TULP2: variants seen among roughly 807,000 people sequenced by gnomAD.
TULP2 encodes the protein tubby-related protein 2.
Under a neutral mutation model 60.3 loss-of-function variants are expected in TULP2, and 64 were observed. The observed-to-expected ratio is 1.06, with a 90% CI of 0.87 to 1.31. The LOEUF is 1.31. Ranked by LOEUF, TULP2 falls within the 50% of genes most tolerant of loss-of-function variation. The pLI is 0.00. For synonymous variants in TULP2, 267 were observed against 265.4 expected (o/e 1.01, Z -0.06); for missense variants, 652 against 667.0 (o/e 0.98, Z 0.25).
At chr19:48,887,603 G>A (rs2037193253) in intron 8 of TULP2, among the ~76,000 whole-genome samples, 1 of 151,904 alleles carries the variant, frequency 6.6e-6, no homozygotes, top group Non-Finnish European at 1.5e-5. Context: ...TGTCGCCTAG[G>A]CTGGAGTGCA....
intron 8 of TULP2, among the ~76,000 whole-genome samples, chr19:48,887,562 G>GT (rs1236591699): frequency 6.7e-6 from 1 of 150,130 alleles, no homozygotes; most frequent in East Asian, 2.0e-4. Context: ...TTGTTGGTTG[G>GT]TTTTTTGTTT....
chr19:48,882,946 A>G (rs1048865839), intron 11 of TULP2, among the ~76,000 whole-genome samples: 6 of 152,202 alleles, frequency 3.9e-5, no homozygotes, highest in African/African-American at 7.2e-5. Context: ...ACTGCCGGGC[A>G]CGGTGGCTCA....
rs531820415 is a variant in TULP2, at chr19:48,882,248, AACTCCATCTTGAACAGGGGCG to A, written c.1276-66_1276-46del. ...CTGTGGTTTTCTCAGAGGCTTTCGA[AACTCCATCTTGAACAGGGGCG>A]ACTCCATCTTGAACAGGGGCGACTC... On this transcript the variant is annotated intron_variant, in intron 11 of 12. Coordinates refer to ENST00000221399, the MANE Select transcript of TULP2 (RefSeq NM_003323.3). 495 of 1,609,774 alleles carry A rather than the reference AACTCCATCTTGAACAGGGGCG, an allele frequency of 3.1e-4. 2 individuals carry two copies. The highest frequency in any genetic ancestry group is 2.5e-3 in the African/African-American group (190 of 74,778).
At chr19:48,889,994 A>T (rs1239381239) in intron 6 of TULP2, among the ~76,000 whole-genome samples, 1 of 152,198 alleles carries the variant, frequency 6.6e-6, no homozygotes, top group African/African-American at 2.4e-5. Context: ...CCCATGTGAT[A>T]GTCTGAAATA....
chr19:48,886,568 G>A (rs544514715), intron 8 of TULP2, among the ~76,000 whole-genome samples: 6 of 151,988 alleles, frequency 3.9e-5, no homozygotes, highest in Non-Finnish European at 8.8e-5. Flanking sequence ...TCTTTCTAGG[G>A]GGAGAGAGGA....
At chr19:48,883,904 C>G in intron 10 of TULP2, 28 bp downstream of exon 10, 1 of 1,613,756 alleles carries the variant, frequency 6.2e-7, no homozygotes, top group Non-Finnish European at 8.5e-7. Flanking sequence ...ACTATCCTAC[C>G]CCATTCTCTC....
At chr19:48,889,377 A>T in intron 7 of TULP2, 133 bp downstream of exon 7, 1 of 1,438,486 alleles carries the variant, frequency 7.0e-7, no homozygotes, top group Non-Finnish European at 9.3e-7. Context: ...CACACACACA[A>T]GTCTCTGCCA....
intron 12 of TULP2, 103 bp downstream of exon 12, chr19:48,881,929 C>A (rs1020694301): frequency 6.6e-7 from 1 of 1,505,530 alleles, no homozygotes; most frequent in Non-Finnish European, 9.2e-7. Flanking sequence ...ATCTGCCCTG[C>A]CTAGAAAAAC....
intron 8 of TULP2, 64 bp from the exon 9 acceptor site, chr19:48,885,624 C>T: frequency 6.8e-7 from 1 of 1,468,864 alleles, no homozygotes; most frequent in East Asian, 2.3e-5. Flanking sequence ...TGGCTCATGC[C>T]TGTAATCCCT....
Position 48,897,261 on chromosome 19 carries a change from C to G in TULP2, c.84+84G>C. The G allele has an allele frequency of 6.8e-7, 1 of 1,465,088 alleles. No homozygotes were observed. Among genetic ancestry groups the G allele is most frequent in the South Asian group, 1.2e-5 (1 of 84,736 alleles). 90.8% of individuals were successfully genotyped at this position (1,465,088 alleles called of 1,614,324 possible). On this transcript the variant is annotated intron_variant, in intron 3 of 12. Coordinates refer to ENST00000221399, the MANE Select transcript of TULP2 (RefSeq NM_003323.3). This position sits in a 1 kb window ranked among gnomAD's most constrained non-coding sequence, Gnocchi z 4.0. ...GAGACAGCCAACACGGGCTGGGAGT[C>G]CTAGAGCAAGACCTGGTGGAGAGGC... is the stretch of plus-strand genomic sequence containing the variant.
intron 6 of TULP2, among the ~76,000 whole-genome samples, chr19:48,892,738 G>T (rs542361707): frequency 6.6e-6 from 1 of 151,966 alleles, no homozygotes; most frequent in Non-Finnish European, 1.5e-5. Context: ...TGATCCGCCC[G>T]CCTCGGCCTC....
At position 48,884,012 on chromosome 19, in the gene TULP2, C is replaced by CAA. The variant is rs2037158061; in HGVS notation, c.1094_1095dup (p.Asp366LeufsTer5). The CAA allele has an allele frequency of 1.9e-6, 3 of 1,613,960 alleles. No homozygotes were observed. Among genetic ancestry groups the CAA allele is most frequent in the Non-Finnish European group, 2.5e-6 (3 of 1,180,040 alleles). On this transcript the variant is annotated frameshift_variant, in exon 10 of 13. Transcript: ENST00000221399. LOFTEE classifies it high-confidence loss of function. ...TCCCGGTCAGGATTCACCCCATTGT[C>CAA]AAAGATGGTGAACTTGGTGCTGAAG...
intron 4 of TULP2, among the ~76,000 whole-genome samples, chr19:48,896,001 C>A (rs1479143867): frequency 6.6e-6 from 1 of 152,198 alleles, no homozygotes; most frequent in East Asian, 1.9e-4. Flanking sequence ...GGGCTCCGCA[C>A]GTAAAGAATC....
intron 7 of TULP2, among the ~76,000 whole-genome samples, chr19:48,888,577 C>T (rs1202979256): frequency 6.6e-6 from 1 of 152,186 alleles, no homozygotes; most frequent in African/African-American, 2.4e-5. Flanking sequence ...TCAAGAGAAA[C>T]CATCTACTGC....
At chr19:48,892,518 GGGGGGGAC>G (rs1474105354) in intron 6 of TULP2, among the ~76,000 whole-genome samples, 6 of 130,706 alleles carry the variant, frequency 4.6e-5, no homozygotes, top group Non-Finnish European at 9.9e-5. Flanking sequence ...TTTTTTTTGG[GGGGGGGAC>G]GGAGTCTTGC....
intron 6 of TULP2, among the ~76,000 whole-genome samples, chr19:48,893,769 G>A (rs2037254286): frequency 6.6e-6 from 1 of 152,088 alleles, no homozygotes; most frequent in Admixed American, 6.5e-5. Context: ...GGCCAGACTG[G>A]TCTTGAACTC....
At chr19:48,894,862 T>C (rs1028650331) in intron 6 of TULP2, 136 bp downstream of exon 6, 26 of 1,196,914 alleles carry the variant, frequency 2.2e-5, no homozygotes, top group Non-Finnish European at 2.9e-5. Flanking sequence ...CTGGAAACCA[T>C]GGAATTGTGA....
At chr19:48,895,189 G>T in intron 5 of TULP2, 27 bp from the exon 6 acceptor site, 1 of 1,608,638 alleles carries the variant, frequency 6.2e-7, no homozygotes. Flanking sequence ...GGGAGAGTTG[G>T]ATTTCTGGAT....
Position 48,895,298 on chromosome 19 carries a change from C to T in TULP2, c.349+68G>A, listed in dbSNP as rs774823016. On this transcript the variant is annotated intron_variant, in intron 5 of 12. Transcript: ENST00000221399. ...AGTATTTTGGACAGATGGATTGAGG[C>T]ACCAGACTCCTGGGTTTTAGTGGGG... is the stretch of plus-strand genomic sequence containing the variant. The T allele has an allele frequency of 2.2e-4, 357 of 1,587,992 alleles. 1 individual carries two copies. The Middle Eastern group carries it at 3.4e-3, about 15-fold the overall frequency.
Sources: allele counts gnomAD v4.1 joint callset (sites outside exome capture counted in the v4.1 genomes callset), GRCh38; gene constraint gnomAD v4.1.1; non-coding constraint Gnocchi (gnomAD v3.1); transcripts MANE v1.5; gene names NCBI Gene and HGNC (gene_info 2026-07-23, HGNC 2026-07-21).